GPA33: variants seen among roughly 807,000 people sequenced by gnomAD.
The protein encoded by GPA33 is glycoprotein A33.
In GPA33, 27 loss-of-function variants were observed where a neutral mutation model predicts 35.6. The ratio of observed to expected loss-of-function variants is 0.76; its 90% CI spans 0.56 to 1.04. The LOEUF is 1.04. Among genes scored for constraint, GPA33 ranks in the 50% least tolerant of loss-of-function variants. GPA33 has a pLI of 0.00. For synonymous variants in GPA33, 176 were observed against 164.0 expected, an observed-to-expected ratio of 1.07 and a Z score of -0.56; for missense variants, 428 against 411.9, an observed-to-expected ratio of 1.04 and a Z score of -0.34.
rs138493191 is a variant in GPA33, at chr1:167,087,794, T to C, written c.43+2451A>G. Among the ~76,000 whole-genome samples, 59 of 151,976 alleles carry C rather than the reference T, an allele frequency of 3.9e-4. 1 individual carries two copies. In the East Asian group the frequency reaches 0.01, roughly 26 times the overall value. On this transcript the variant is annotated intron_variant, in intron 1 of 6. Transcript: ENST00000367868. ...AGCTGGGCATGGTGGTGCATGCCTG[T>C]AATCCCAGCTACTAGGGAGGCTGAG...
intron 4 of GPA33, among the ~76,000 whole-genome samples, chr1:167,058,783 G>A (rs1335187038): frequency 1.3e-5 from 2 of 152,188 alleles, no homozygotes; most frequent in Non-Finnish European, 2.9e-5. Context: ...TTAGGATTAA[G>A]TAATCTTTCT....
rs114840424 is a variant in GPA33 at position 167,057,173 on chromosome 1, C to T, written c.572-1324G>A. Among the ~76,000 whole-genome samples the T allele has an allele frequency of 9.2e-3, 1,395 of 152,056 alleles. 23 individuals carry two copies. Among genetic ancestry groups the T allele is most frequent in the African/African-American group, 0.032 (1,343 of 41,422 alleles). ...ACTTCTTTGAGCTGTAGGCTTCCTT[C>T]GGAAAGCAGGAGTGAAAACACCTGA... On this transcript the variant is annotated intron_variant, in intron 4 of 6. Coordinates refer to ENST00000367868, the MANE Select transcript of GPA33 (RefSeq NM_005814.3).
Position 167,053,588 on chromosome 1 carries a change from G to A in GPA33, c.*746C>T, listed in dbSNP as rs1666160606. 2.0e-5 allele frequency: 3 copies of A among 152,340 alleles called. No individual in the cohort carries two copies. Among genetic ancestry groups the A allele is most frequent in the Admixed American group, 1.3e-4 (2 of 15,292 alleles). 9.4% of individuals were successfully genotyped at this position (152,340 alleles called of 1,614,324 possible). A position where few individuals can be genotyped will look rare whatever the true frequency, so the allele number is the denominator to read the frequency against. The stretch of plus-strand genomic sequence containing the variant: ...TGCCTTGTGGCCCATGATTGGACGT[G>A]GGACAGAGTAACAGGATTGTTTCCA... On this transcript the variant is annotated 3_prime_UTR_variant, in exon 7 of 7. Coordinates refer to ENST00000367868, the MANE Select transcript of GPA33 (RefSeq NM_005814.3).
Position 167,063,675 on chromosome 1 carries a change from G to A in GPA33, c.478C>T (p.Leu160=), listed in dbSNP as rs146018358. ...GAGCCCTCCTTTGATTGGCAGGTCA[G>A]CTGGATGTTGTTCCCAATTATGGTC... ...GETIIGNNIQ[L]TCQSKEGSPT... is the part of the protein sequence containing the mutation. Residue 160 remains leucine, a synonymous_variant, in exon 4 of 7, where the codon CTG becomes TTG. Coordinates refer to ENST00000367868, the MANE Select transcript of GPA33 (RefSeq NM_005814.3). 94 of 1,613,522 alleles carry A rather than the reference G, an allele frequency of 5.8e-5. No individual in the cohort carries two copies. The highest frequency in any genetic ancestry group is 7.6e-5 in the Non-Finnish European group (90 of 1,179,906).
intron 4 of GPA33, among the ~76,000 whole-genome samples, chr1:167,062,238 C>G (rs1666471806): frequency 6.6e-6 from 1 of 151,086 alleles, no homozygotes; most frequent in Admixed American, 6.6e-5. Flanking sequence ...TTATTTGAGG[C>G]AGGGTCTCGC....
chr1:167,063,623 C>G lies in GPA33; in HGVS notation c.530G>C (p.Arg177Thr). The stretch of plus-strand genomic sequence containing the variant: ...CTGCTCCTGATTCAGGATGTTGTAC[C>G]TCTTCCAGCTGTACTGAGGGGTTGG... The part of the protein sequence containing the change: ...GSPTPQYSWK[R>T]YNILNQEQPL... Residue 177 changes from arginine to threonine, a missense_variant, in exon 4 of 7, where the codon AGG becomes ACG. Arg to Thr is a moderately conservative substitution (Grantham distance 71). Coordinates refer to ENST00000367868, the MANE Select transcript of GPA33 (RefSeq NM_005814.3). The G allele has an allele frequency of 3.1e-6, 5 of 1,613,118 alleles. No homozygotes were observed. The highest frequency in any genetic ancestry group is 4.2e-6 in the Non-Finnish European group (5 of 1,179,618).
chr1:167,072,531 G>A (rs1273928973), intron 2 of GPA33, among the ~76,000 whole-genome samples: 2 of 152,182 alleles, frequency 1.3e-5, no homozygotes, highest in East Asian at 3.9e-4. Context: ...ACATGACCCA[G>A]AGTTTTAATA....
intron 4 of GPA33, among the ~76,000 whole-genome samples, chr1:167,061,558 A>C (rs1666442666): frequency 6.8e-6 from 1 of 146,964 alleles, no homozygotes; most frequent in African/African-American, 2.5e-5. Flanking sequence ...GACCTATTTT[A>C]AGTTAGGTCG....
chr1:167,064,100 T>C lies in GPA33; in HGVS notation c.416-363A>G, dbSNP rs113251733. 3.0e-3 allele frequency among the ~76,000 whole-genome samples: 461 copies of C among 152,090 alleles called. 2 individuals carry two copies. The highest frequency in any genetic ancestry group is 0.01 in the African/African-American group (428 of 41,482). On this transcript the variant is annotated intron_variant, in intron 3 of 6. Transcript: ENST00000367868. ...GAGTTTGAGACCAGCCTGGTCAACA[T>C]GGTGAAACCCCATCTCTACTAAAAA... is the stretch of plus-strand genomic sequence containing the variant.
rs796861861 is a variant in GPA33 at position 167,063,894 on chromosome 1, C to G, written c.416-157G>C. Among the ~76,000 whole-genome samples the G allele has an allele frequency of 7.1e-4, 92 of 129,598 alleles. 1 individual carries two copies. The highest frequency in any genetic ancestry group is 2.5e-3 in the African/African-American group (87 of 34,364). The allele number at this position is 129,598 out of a possible 152,430, so 85.0% of individuals were successfully genotyped here. A position where few individuals can be genotyped will look rare whatever the true frequency, so the allele number is the denominator to read the frequency against. On this transcript the variant is annotated intron_variant, in intron 3 of 6. Coordinates refer to ENST00000367868, the MANE Select transcript of GPA33 (RefSeq NM_005814.3). ...AGTAGTGAGATGGAATGCTGTAAAA[C>G]CAATTCACCCCAATATGGCCTCAGT... is the stretch of plus-strand genomic sequence containing the variant.
chr1:167,067,259 A>G (rs1235966883), intron 3 of GPA33, among the ~76,000 whole-genome samples: 2 of 150,514 alleles, frequency 1.3e-5, no homozygotes, highest in African/African-American at 4.9e-5. Flanking sequence ...CCCCAACTCA[A>G]GAGATCCTCC....
chr1:167,060,649 A>G (rs1486044871), intron 4 of GPA33, among the ~76,000 whole-genome samples: 1 of 152,186 alleles, frequency 6.6e-6, no homozygotes, highest in Non-Finnish European at 1.5e-5. Flanking sequence ...TTGGATAATG[A>G]AAGAACTAAG....
intron 1 of GPA33, among the ~76,000 whole-genome samples, chr1:167,080,734 C>T (rs1420060330): frequency 6.6e-6 from 1 of 152,212 alleles, no homozygotes; most frequent in Non-Finnish European, 1.5e-5. Flanking sequence ...ACATAAAGGA[C>T]TCTACAGGCA....
intron 1 of GPA33, 105 bp from the exon 2 acceptor site, chr1:167,073,644 A>G (rs1571314745): frequency 1.0e-6 from 1 of 975,526 alleles, no homozygotes; most frequent in African/African-American, 1.6e-5. Flanking sequence ...CTGTTCTTGC[A>G]CCTCCAGCCA....
chr1:167,072,170 G>C (rs1028788683), intron 2 of GPA33, among the ~76,000 whole-genome samples: 7 of 152,228 alleles, frequency 4.6e-5, no homozygotes, highest in African/African-American at 1.7e-4. Flanking sequence ...GGCCTTGAGT[G>C]TTCTAGGCCA....
At position 167,059,026 on chromosome 1, in the gene GPA33, A is replaced by G. The variant is rs1666372402; in HGVS notation, c.572-3177T>C. Among the ~76,000 whole-genome samples the G allele has an allele frequency of 2.0e-5, 3 of 152,208 alleles. No individual in the cohort carries two copies. The South Asian group carries it at 6.2e-4, about 32-fold the overall frequency. On this transcript the variant is annotated intron_variant, in intron 4 of 6. Coordinates refer to ENST00000367868, the MANE Select transcript of GPA33 (RefSeq NM_005814.3). ...AGTGTGAAGCTCGGACTCTGGATTT[A>G]GTGTAGGCAGCACACTGCAGACAGT... is the stretch of plus-strand genomic sequence containing the variant.
chr1:167,079,516 CTT>C (rs1666885125), intron 1 of GPA33, among the ~76,000 whole-genome samples: 1 of 150,254 alleles, frequency 6.7e-6, no homozygotes, highest in Non-Finnish European at 1.5e-5. Flanking sequence ...AAAAAGAAAA[CTT>C]GCACAAATGT....
At chr1:167,064,859 G>T (rs182505341) in intron 3 of GPA33, among the ~76,000 whole-genome samples, 88 of 152,264 alleles carry the variant, frequency 5.8e-4, no homozygotes, top group Non-Finnish European at 1.1e-3. Context: ...GGACCCACAG[G>T]CAGCAGTAAA....
intron 4 of GPA33, among the ~76,000 whole-genome samples, chr1:167,056,458 G>A (rs1428084828): frequency 6.6e-6 from 1 of 150,682 alleles, no homozygotes; most frequent in Admixed American, 6.6e-5. Flanking sequence ...TGTGGTGTGT[G>A]TGGTGTGTCA....
Sources: gnomAD v4.1 joint callset for allele counts (sites outside exome capture counted in the v4.1 genomes callset) on GRCh38, gnomAD v4.1.1 for gene constraint, MANE v1.5 for transcripts, NCBI Gene and HGNC (gene_info 2026-07-23, HGNC 2026-07-21) for gene names.